SH3BP2: variants seen among roughly 807,000 people sequenced by gnomAD.
SH3BP2 encodes SH3 domain binding protein 2.
SH3BP2 carries 38 observed loss-of-function variants against 56.2 expected under a neutral mutation model. That is an observed-to-expected ratio of 0.68 (90% CI 0.52 to 0.89). The LOEUF is 0.89. Among genes scored for constraint, SH3BP2 ranks in the 40% least tolerant of loss-of-function variants. The pLI is 0.00. For synonymous variants in SH3BP2, 346 were observed against 316.7 expected (o/e 1.09, Z -0.98); for missense variants, 748 against 762.6 (o/e 0.98, Z 0.23).
At chr4:2,803,258 G>A (rs2004189) in intron 1 of SH3BP2, among the ~76,000 whole-genome samples, 44,193 of 151,974 alleles carry the variant, frequency 0.29, 7,543 homozygotes, top group African/African-American at 0.48. Flanking sequence ...GGTGGGAGCA[G>A]TGGGGCTGGG....
rs761375105 is a variant in SH3BP2 at position 2,827,635 on chromosome 4, T to C, written c.547T>C (p.Tyr183His). The C allele has an allele frequency of 2.5e-6, 4 of 1,590,534 alleles. No individual in the cohort carries two copies. Among genetic ancestry groups the C allele is most frequent in the Non-Finnish European group, 3.4e-6 (4 of 1,168,246 alleles). Reference protein sequence around the residue: ...DYEHDDEDDSYLEPDSPEPGR... With the variant: ...DYEHDDEDDSHLEPDSPEPGR... ...TGAGCACGACGATGAGGATGACTCC[T>C]ACCTGGAGCCTGACTCCCCGGAGCC... Residue 183 changes from tyrosine (Y) to histidine (H), a missense_variant, in exon 7 of 13, where the codon TAC becomes CAC. Tyr to His is a moderately conservative substitution (Grantham distance 83, BLOSUM62 2). Around this residue, in one of 3 missense-constraint regions of SH3BP2, gnomAD observed 635 missense variants for 615.0 expected, o/e 1.03. Coordinates refer to ENST00000503393, the MANE Select transcript of SH3BP2 (RefSeq NM_001122681.2).
chr4:2,796,688 T>A (rs907070930), intron 1 of SH3BP2: 2 of 153,296 alleles, frequency 1.3e-5, no homozygotes, highest in African/African-American at 4.8e-5. Context: ...GTGAATCAGA[T>A]GTTTACTGCG....
intron 1 of SH3BP2, among the ~76,000 whole-genome samples, chr4:2,809,999 G>A (rs1723680485): frequency 6.6e-6 from 1 of 152,238 alleles, no homozygotes; most frequent in Non-Finnish European, 1.5e-5. Flanking sequence ...CTGCTTGGAT[G>A]CAGGCGTGGG....
chr4:2,825,043 G>T (rs946103077), intron 4 of SH3BP2, 83 bp from the exon 5 acceptor site: 1 of 1,286,504 alleles, frequency 7.8e-7, no homozygotes, highest in East Asian at 2.5e-5. Flanking sequence ...TCACAGCAGA[G>T]CAGGCAGGGC....
intron 1 of SH3BP2, among the ~76,000 whole-genome samples, chr4:2,794,525 G>A (rs1722999878): frequency 6.6e-6 from 1 of 152,232 alleles, no homozygotes; most frequent in Non-Finnish European, 1.5e-5. Context: ...CCCTCTCCCT[G>A]CCACCCGCCA....
chr4:2,825,106 A>C lies in SH3BP2; in HGVS notation c.358-20A>C, dbSNP rs1224274808. 2 of 1,559,174 alleles carry C rather than the reference A, an allele frequency of 1.3e-6. No homozygotes were observed. The highest frequency in any genetic ancestry group is 4.8e-5 in the East Asian group (2 of 41,374). On this transcript the variant is annotated intron_variant, in intron 4 of 12. Coordinates refer to ENST00000503393, the MANE Select transcript of SH3BP2 (RefSeq NM_001122681.2). The stretch of plus-strand genomic sequence containing the variant: ...CCACCCTGGTGGCACCGTGCCCACC[A>C]CAGCCCCGCTGACCTGCAGAGCTGG...
At chr4:2,823,706 A>G (rs1724436730) in intron 3 of SH3BP2, 2 of 354,050 alleles carry the variant, frequency 5.6e-6, no homozygotes, top group Non-Finnish European at 1.1e-5. Flanking sequence ...CCTGCACCCC[A>G]CAGCATTTAT....
intron 1 of SH3BP2, among the ~76,000 whole-genome samples, chr4:2,799,602 G>T (rs1335763961): frequency 6.6e-6 from 1 of 152,216 alleles, no homozygotes; most frequent in African/African-American, 2.4e-5. Context: ...CCATGCCAGG[G>T]TTCCTGCCGG....
At chr4:2,808,580 C>T (rs535060208) in intron 1 of SH3BP2, among the ~76,000 whole-genome samples, 1 of 152,214 alleles carries the variant, frequency 6.6e-6, no homozygotes, top group Admixed American at 6.5e-5. Context: ...TCCTCCCAGT[C>T]CTGCATCATG....
At chr4:2,802,321 G>C (rs1025713945) in intron 1 of SH3BP2, among the ~76,000 whole-genome samples, 3 of 151,968 alleles carry the variant, frequency 2.0e-5, no homozygotes, top group Non-Finnish European at 2.9e-5. Flanking sequence ...TTGAACCAAG[G>C]AGACAGAGGT....
intron 1 of SH3BP2, among the ~76,000 whole-genome samples, chr4:2,807,470 G>T (rs958887041): frequency 3.3e-5 from 5 of 152,168 alleles, no homozygotes; most frequent in Non-Finnish European, 5.9e-5. Context: ...CGTGGGGAGT[G>T]CCAGGGACAC....
chr4:2,824,533 C>G lies in SH3BP2; in HGVS notation c.240-80C>G, dbSNP rs113446832. On this transcript the variant is annotated intron_variant, in intron 3 of 12. Coordinates refer to ENST00000503393, the MANE Select transcript of SH3BP2 (RefSeq NM_001122681.2). ...TTGGGGCGTGGTGCTGGTGCCGAGA[C>G]GTGTTCACAGGGGGGTGCTGTGGGA... 4.8e-6 allele frequency: 5 copies of G among 1,045,376 alleles called. No individual in the cohort carries two copies. In the Admixed American group the frequency reaches 6.8e-5, roughly 14 times the overall value. The allele number at this position is 1,045,376 out of a possible 1,614,324, so 64.8% of individuals were successfully genotyped here.
At chr4:2,823,065 C>A in intron 3 of SH3BP2, 28 bp downstream of exon 3, 3 of 1,528,524 alleles carry the variant, frequency 2.0e-6, no homozygotes, top group Non-Finnish European at 2.7e-6. Context: ...CTGCTGACCT[C>A]GGGCCCCCAC....
chr4:2,815,258 G>T (rs1348617295), intron 1 of SH3BP2, among the ~76,000 whole-genome samples: 1 of 152,240 alleles, frequency 6.6e-6, no homozygotes. Flanking sequence ...TGGGGCAGAG[G>T]ATAGTAAGGT....
At chr4:2,799,779 G>C (rs1386953690) in intron 1 of SH3BP2, among the ~76,000 whole-genome samples, 1 of 152,210 alleles carries the variant, frequency 6.6e-6, no homozygotes, top group Non-Finnish European at 1.5e-5. Flanking sequence ...AAGATGCCAG[G>C]GGCGCCTCAC....
chr4:2,833,756 G>C lies in SH3BP2; in HGVS notation c.1608G>C (p.Glu536Asp), dbSNP rs750263899. 5.0e-6 allele frequency: 8 copies of C among 1,605,526 alleles called. No individual in the cohort carries two copies. Among genetic ancestry groups the C allele is most frequent in the South Asian group, 2.2e-5 (2 of 89,610 alleles). ...TTGTGAGTGTGGGCAGCATGGTGGA[G>C]CACTACCACACCCACGTGCTGCCCA... ...VLFVSVGSMV[E>D]HYHTHVLPSH... Residue 536 changes from glutamate to aspartate, a missense_variant, in exon 13 of 13, where the codon GAG becomes GAC. Coordinates refer to ENST00000503393, the MANE Select transcript of SH3BP2 (RefSeq NM_001122681.2).
chr4:2,805,550 C>T (rs1175563904), intron 1 of SH3BP2, among the ~76,000 whole-genome samples: 1 of 152,212 alleles, frequency 6.6e-6, no homozygotes, highest in Admixed American at 6.5e-5. Context: ...GTGCCAGTGT[C>T]ACACTGGGCA....
chr4:2,826,808 G>C, intron 5 of SH3BP2: 1 of 407,966 alleles, frequency 2.5e-6, no homozygotes, highest in South Asian at 1.8e-5. Context: ...ATGTGTGCTT[G>C]TCCTGTATCT....
At chr4:2,825,030 G>A (rs1393216958) in intron 4 of SH3BP2, 96 bp from the exon 5 acceptor site, 9 of 1,190,120 alleles carry the variant, frequency 7.6e-6, no homozygotes, top group Non-Finnish European at 9.8e-6. Flanking sequence ...CTGACCTTGG[G>A]AGTCACAGCA....
Sources: allele counts gnomAD v4.1 joint callset (sites outside exome capture counted in the v4.1 genomes callset), GRCh38; gene constraint gnomAD v4.1.1; regional missense constraint gnomAD v4.1.1; transcripts MANE v1.5; gene names NCBI Gene and HGNC (gene_info 2026-07-23, HGNC 2026-07-21).